Variants in AGBL4 observed in about 807,000 individuals in gnomAD.
AGBL4 encodes the protein AGBL carboxypeptidase 4, also known as cytosolic carboxypeptidase 6.
In AGBL4, 58 loss-of-function variants were observed where a neutral mutation model predicts 66.4. The observed-to-expected ratio is 0.87, with a 90% CI of 0.71 to 1.09. AGBL4 has a LOEUF of 1.09. Among genes scored for constraint, AGBL4 ranks in the 50% least tolerant of loss-of-function variants. The pLI is 0.00. For missense variants in AGBL4, 579 were observed against 631.0 expected (o/e 0.92, Z 0.88); for synonymous variants, 234 against 222.9 (o/e 1.05, Z -0.44).
chr1:49,100,787 A>G (rs2148000758), intron 4 of AGBL4, among the ~76,000 whole-genome samples: 1 of 152,334 alleles, frequency 6.6e-6, no homozygotes, highest in East Asian at 1.9e-4. Context: ...GAATTGGGAA[A>G]GAAGAAAACT....
intron 4 of AGBL4, among the ~76,000 whole-genome samples, chr1:49,221,422 A>G (rs1233939535): frequency 1.3e-5 from 2 of 152,140 alleles, no homozygotes. Flanking sequence ...AGTACTCTCC[A>G]TATTTCATTT....
At chr1:49,126,305 G>A (rs483330) in intron 4 of AGBL4, among the ~76,000 whole-genome samples, 102,617 of 151,970 alleles carry the variant, frequency 0.68, 35,285 homozygotes, top group African/African-American at 0.75. Flanking sequence ...TTAGAAAATA[G>A]AGAAAATTGC....
At chr1:49,732,754 T>G (rs1213438935) in intron 2 of AGBL4, among the ~76,000 whole-genome samples, 1 of 152,074 alleles carries the variant, frequency 6.6e-6, no homozygotes, top group Non-Finnish European at 1.5e-5. Context: ...AAAAATGAAC[T>G]AAGCCTCAAA....
At chr1:49,094,635 G>C (rs920973524) in intron 4 of AGBL4, among the ~76,000 whole-genome samples, 3 of 151,712 alleles carry the variant, frequency 2.0e-5, no homozygotes, top group African/African-American at 7.3e-5. Flanking sequence ...CAGGGATATT[G>C]GTCTAAAATT....
intron 6 of AGBL4, among the ~76,000 whole-genome samples, chr1:48,801,569 A>C (rs1351462205): frequency 6.6e-6 from 1 of 152,122 alleles, no homozygotes; most frequent in Non-Finnish European, 1.5e-5. Context: ...TATCTTGCTC[A>C]GCTGCCTAAA....
intron 3 of AGBL4, among the ~76,000 whole-genome samples, chr1:49,355,934 G>A (rs558789070): frequency 5.3e-5 from 8 of 152,180 alleles, no homozygotes; most frequent in African/African-American, 1.7e-4. Flanking sequence ...AAGTTCAACC[G>A]GAGAGACAAT....
At chr1:49,556,826 G>A (rs541450839) in intron 3 of AGBL4, among the ~76,000 whole-genome samples, 1 of 152,236 alleles carries the variant, frequency 6.6e-6, no homozygotes, top group Non-Finnish European at 1.5e-5. Flanking sequence ...ATGGCAGGCT[G>A]CAGGTCCTGA....
rs551556227 is a variant in AGBL4 at position 49,324,827 on chromosome 1, T to C, written c.283-78963A>G. Among the ~76,000 whole-genome samples the C allele has an allele frequency of 3.9e-5, 6 of 152,350 alleles. No individual in the cohort carries two copies. In the East Asian group the frequency reaches 9.7e-4, roughly 25 times the overall value. ...TAACATATTTGCCTTAGTATCTATA[T>C]ATATATCCAGTGTTTATCACAGTGA... On this transcript the variant is annotated intron_variant, in intron 3 of 13. Transcript: ENST00000371839.
intron 11 of AGBL4, among the ~76,000 whole-genome samples, chr1:48,549,454 AGGAGAGGGAGAAGGAGAG>A (rs1644217020): frequency 6.7e-6 from 1 of 150,268 alleles, no homozygotes; most frequent in East Asian, 2.2e-4. Flanking sequence ...TGTGAAAGAG[AGGAGAGGGAGAAGGAGAG>A]GGAGAGGGAG....
At chr1:48,720,842 AAT>A (rs1647135521) in intron 6 of AGBL4, among the ~76,000 whole-genome samples, 1 of 152,008 alleles carries the variant, frequency 6.6e-6, no homozygotes, top group South Asian at 2.1e-4. Flanking sequence ...TGGGGCTGGG[AAT>A]GAAGGATGGA....
At chr1:49,732,919 T>C (rs1385114767) in intron 2 of AGBL4, among the ~76,000 whole-genome samples, 1 of 151,786 alleles carries the variant, frequency 6.6e-6, no homozygotes, top group Non-Finnish European at 1.5e-5. Flanking sequence ...CTTAATAAAC[T>C]TCATATAACA....
chr1:48,652,932 A>G (rs890299593), intron 8 of AGBL4, among the ~76,000 whole-genome samples: 1 of 152,142 alleles, frequency 6.6e-6, no homozygotes, highest in African/African-American at 2.4e-5. Flanking sequence ...ACCCCACGAT[A>G]TTCTGCAAAA....
chr1:48,743,253 A>G (rs546546253), intron 6 of AGBL4, among the ~76,000 whole-genome samples: 32 of 152,328 alleles, frequency 2.1e-4, no homozygotes, highest in African/African-American at 7.5e-4. Context: ...CCTAGTATCT[A>G]GACTGGAGCA....
chr1:49,973,873 G>T (rs1658348199), intron 1 of AGBL4, among the ~76,000 whole-genome samples: 1 of 151,662 alleles, frequency 6.6e-6, no homozygotes, highest in African/African-American at 2.4e-5. Context: ...TTACCAGACT[G>T]GAGGAAGGGA....
At chr1:49,726,829 C>CT (rs990113147) in intron 2 of AGBL4, among the ~76,000 whole-genome samples, 2 of 152,170 alleles carry the variant, frequency 1.3e-5, no homozygotes, top group African/African-American at 4.8e-5. Context: ...GAAAAGCTTA[C>CT]TACACATGGA....
At chr1:48,594,807 A>G (rs577158225) in intron 9 of AGBL4, among the ~76,000 whole-genome samples, 1 of 152,200 alleles carries the variant, frequency 6.6e-6, no homozygotes, top group African/African-American at 2.4e-5. Context: ...GTTGGGATCA[A>G]ATGGAATGTG....
At chr1:49,846,412 A>G in intron 2 of AGBL4, 1 of 1,527,388 alleles carries the variant, frequency 6.5e-7, no homozygotes, top group Admixed American at 1.7e-5. Context: ...CCCACTCCAC[A>G]TGTGCTGGGG....
intron 3 of AGBL4, among the ~76,000 whole-genome samples, chr1:49,335,937 T>C (rs1468828988): frequency 1.3e-5 from 2 of 152,198 alleles, no homozygotes; most frequent in Admixed American, 6.5e-5. Context: ...ATTTGTGTGT[T>C]CTTTTTTCCT....
At chr1:49,129,928 C>A (rs1645853650) in intron 4 of AGBL4, among the ~76,000 whole-genome samples, 1 of 152,172 alleles carries the variant, frequency 6.6e-6, no homozygotes, top group South Asian at 2.1e-4. Context: ...ACCGTGCCAC[C>A]AACAGTGTAA....
Sources: gnomAD v4.1 joint callset for allele counts (sites outside exome capture counted in the v4.1 genomes callset) on GRCh38, gnomAD v4.1.1 for gene constraint, MANE v1.5 for transcripts, NCBI Gene and HGNC (gene_info 2026-07-23, HGNC 2026-07-21) for gene names.